ANTXRL: variants seen among roughly 807,000 people sequenced by gnomAD.
ANTXRL encodes anthrax toxin receptor-like.
Under a neutral mutation model 75.4 loss-of-function variants are expected in ANTXRL, and 63 were observed. The observed-to-expected ratio is 0.84, with a 90% CI of 0.68 to 1.03. The LOEUF is 1.03. Among genes scored for constraint, ANTXRL ranks in the 50% least tolerant of loss-of-function variants. ANTXRL has a pLI of 0.00. For synonymous variants in ANTXRL, 335 were observed against 291.3 expected (o/e 1.15, Z -1.53); for missense variants, 797 against 789.4 (o/e 1.01, Z -0.12).
chr10:46,317,317 G>T (rs1323521909), intron 16 of ANTXRL, among the ~76,000 whole-genome samples: 2 of 152,142 alleles, frequency 1.3e-5, no homozygotes, highest in Admixed American at 6.5e-5. Flanking sequence ...CTTCTAATGA[G>T]AATTTACTGA....
At chr10:46,311,400 T>C (rs1181149059) in intron 14 of ANTXRL, 110 bp from the exon 15 acceptor site, 1 of 1,392,844 alleles carries the variant, frequency 7.2e-7, no homozygotes, top group East Asian at 2.7e-5. Flanking sequence ...GACCCTCCAC[T>C]GTGGTGTGGG....
intron 9 of ANTXRL, among the ~76,000 whole-genome samples, chr10:46,301,634 C>T (rs1837751756): frequency 6.6e-6 from 1 of 152,180 alleles, no homozygotes; most frequent in African/African-American, 2.4e-5. Context: ...GCCTGCATTT[C>T]CCATTTTCCA....
chr10:46,329,728 C>G lies in ANTXRL; in HGVS notation c.1540C>G (p.Leu514Val), dbSNP rs1325003797. 1.3e-6 allele frequency: 2 copies of G among 1,535,150 alleles called. No individual in the cohort carries two copies. The highest frequency in any genetic ancestry group is 1.7e-6 in the Non-Finnish European group (2 of 1,146,744). Residue 514 changes from leucine to valine, a missense_variant, in exon 17 of 17, where the codon CTG becomes GTG. By Grantham distance (32) the Leu-to-Val change is conservative. Transcript: ENST00000620264. ...PQAPCSPRMCLRHSRECLALK... is the reference protein window; with the variant it reads ...PQAPCSPRMCVRHSRECLALK... ...GGCTCCCTGCAGCCCAAGGATGTGCCTGAGACACAGCCGGGAGTGCCTCGC... is the reference window on the plus strand; with the variant it reads ...GGCTCCCTGCAGCCCAAGGATGTGCGTGAGACACAGCCGGGAGTGCCTCGC...
rs1554955442 is a variant in ANTXRL at position 46,287,272 on chromosome 10, C to G, written c.10C>G (p.His4Asp). The G allele has an allele frequency of 5.9e-6, 9 of 1,535,784 alleles. 1 individual carries two copies. The South Asian group carries it at 1.1e-4, about 18-fold the overall frequency. ...CAGGGACAGCCAGATAATGGGGAGC[C>G]ATGAGTCCCTGGGGCCCTACTTCCT... MGSHESLGPYFLVF... is the reference protein window; with the variant it reads MGSDESLGPYFLVF... The change falls in exon 1 of 17, where the codon CAT becomes GAT. Residue 4 changes from histidine (H) to aspartate (D), a missense_variant. By Grantham distance (81) the His-to-Asp change is moderately conservative. Around this residue, in one of 3 missense-constraint regions of ANTXRL, gnomAD observed 262 missense variants for 271.9 expected, o/e 0.96. Transcript: ENST00000620264.
chr10:46,302,903 C>T, intron 10 of ANTXRL, 83 bp downstream of exon 10: 2 of 1,104,262 alleles, frequency 1.8e-6, no homozygotes, highest in East Asian at 2.6e-5. Flanking sequence ...GCCTCCCAGC[C>T]CTTGCCAACC....
chr10:46,319,800 C>T (rs928889223), intron 16 of ANTXRL, among the ~76,000 whole-genome samples: 25 of 152,252 alleles, frequency 1.6e-4, no homozygotes, highest in African/African-American at 6.0e-4. Context: ...TTATGTGTTC[C>T]TTTCTCTTGA....
In ANTXRL at chr10:46,306,661, G is replaced by A. The variant is rs1838104966; in HGVS notation, c.896-142G>A. On this transcript the variant is annotated intron_variant, in intron 10 of 16. Transcript: ENST00000620264. ...CAGGGCCTGGGTGTGGCGGGTGCTTGCAGGGGTCTGTGCAATAGGAAGGCA... is the reference window on the plus strand; with the variant it reads ...CAGGGCCTGGGTGTGGCGGGTGCTTACAGGGGTCTGTGCAATAGGAAGGCA... 4.9e-6 allele frequency: 3 copies of A among 613,654 alleles called. No individual in the cohort carries two copies. In the South Asian group the frequency reaches 7.6e-5, roughly 15 times the overall value. 38.0% of individuals were successfully genotyped at this position (613,654 alleles called of 1,614,324 possible).
rs140306343 is a variant in ANTXRL, at chr10:46,310,074, C to T, written c.1135-387C>T. ...GGAAGCCCGGGACTCAGCCATGAGG[C>T]TGGGAGGTCAGGGAGGGCTCCTGTA... On this transcript the variant is annotated intron_variant, in intron 13 of 16. Coordinates refer to ENST00000620264, the MANE Select transcript of ANTXRL (RefSeq NM_001278688.3). Among the ~76,000 whole-genome samples the T allele has an allele frequency of 7.3e-4, 111 of 152,264 alleles. 1 individual carries two copies. The highest frequency in any genetic ancestry group is 2.4e-3 in the African/African-American group (101 of 41,548).
chr10:46,301,515 C>T (rs1360938992), intron 9 of ANTXRL, among the ~76,000 whole-genome samples: 2 of 152,158 alleles, frequency 1.3e-5, no homozygotes, highest in African/African-American at 4.8e-5. Context: ...TGTCAGCAGT[C>T]AGCGTTGAGG....
chr10:46,300,980 C>CA (rs1837695266), intron 9 of ANTXRL, among the ~76,000 whole-genome samples: 1 of 150,966 alleles, frequency 6.6e-6, no homozygotes, highest in Admixed American at 6.6e-5. Flanking sequence ...GTTCCTTTAT[C>CA]TCTCCCACCC....
intron 16 of ANTXRL, among the ~76,000 whole-genome samples, chr10:46,327,167 C>T (rs189173061): frequency 1.3e-5 from 2 of 152,078 alleles, no homozygotes; most frequent in Non-Finnish European, 2.9e-5. Flanking sequence ...GGGAGGGTGC[C>T]AGGGCATGGC....
chr10:46,312,832 A>G (rs1838505749), intron 15 of ANTXRL, among the ~76,000 whole-genome samples: 1 of 150,326 alleles, frequency 6.7e-6, no homozygotes, highest in Admixed American at 6.6e-5. Context: ...TGAGCAGGGC[A>G]TGGTCCTCTC....
chr10:46,294,064 C>A (rs1289348184), intron 3 of ANTXRL, 164 bp downstream of exon 3: 61 of 614,996 alleles, frequency 9.9e-5, no homozygotes, highest in Middle Eastern at 8.6e-4. Flanking sequence ...CCCCGGCTCC[C>A]CTGCATCCTC....
At position 46,296,228 on chromosome 10, in the gene ANTXRL, C is replaced by T. The variant is rs782650366; in HGVS notation, c.484C>T (p.Gln162Ter). 4 of 1,535,860 alleles carry T rather than the reference C, an allele frequency of 2.6e-6. No individual in the cohort carries two copies. In the South Asian group the frequency reaches 4.8e-5, roughly 18 times the overall value. The change falls in exon 5 of 17, where the codon CAG (glutamine) becomes TAG (stop). Residue 162 changes from glutamine (Q) to a stop codon, truncating the protein, a stop_gained. Coordinates refer to ENST00000620264, the MANE Select transcript of ANTXRL (RefSeq NM_001278688.3). LOFTEE classifies it high-confidence loss of function. Reference sequence around the variant, plus strand: ...CTTCATTTTCTTGCAGGCAATTCAACAGATCGAAAGTTTCAACTCCGGAAG... The same window carrying T: ...CTTCATTTTCTTGCAGGCAATTCAATAGATCGAAAGTTTCAACTCCGGAAG... ...MQAGFRKAIQ[Q>*]IESFNSGNKV...
chr10:46,329,777 C>G lies in ANTXRL; in HGVS notation c.1589C>G (p.Pro530Arg). The change falls in exon 17 of 17, where the codon CCA (proline) becomes CGA (arginine). Residue 530 changes from proline (P) to arginine (R), a missense_variant. Physicochemically the swap from Pro to Arg is moderately radical, Grantham distance 103. Around this residue, in one of 3 missense-constraint regions of ANTXRL, gnomAD observed 479 missense variants for 422.0 expected, o/e 1.14. Coordinates refer to ENST00000620264, the MANE Select transcript of ANTXRL (RefSeq NM_001278688.3). ...GCCCTCAAACAGGCTCGCTGCAGCC[C>G]AAACATCTGCCTGAGACACAGCCAA... ...CLALKQARCS[P>R]NICLRHSQHS... The G allele has an allele frequency of 6.5e-7, 1 of 1,534,494 alleles. No individual in the cohort carries two copies. Among genetic ancestry groups the G allele is most frequent in the Non-Finnish European group, 8.7e-7 (1 of 1,146,526 alleles).
chr10:46,303,681 G>A (rs1554961130), intron 10 of ANTXRL, among the ~76,000 whole-genome samples: 2 of 152,100 alleles, frequency 1.3e-5, no homozygotes, highest in Non-Finnish European at 2.9e-5. Flanking sequence ...GTTCATGGAA[G>A]GGCTATAGTA....
At chr10:46,298,994 A>G (rs1424889395) in intron 9 of ANTXRL, among the ~76,000 whole-genome samples, 1 of 151,920 alleles carries the variant, frequency 6.6e-6, no homozygotes, top group Admixed American at 6.6e-5. Flanking sequence ...TAACCTCACA[A>G]CGGTAAGTTT....
chr10:46,302,066 G>T (rs1462072915), intron 9 of ANTXRL, among the ~76,000 whole-genome samples: 1 of 152,188 alleles, frequency 6.6e-6, no homozygotes, highest in Non-Finnish European at 1.5e-5. Context: ...GGTTCAGGAA[G>T]AGCAGAATAT....
intron 9 of ANTXRL, among the ~76,000 whole-genome samples, chr10:46,302,448 G>A (rs1354515439): frequency 2.6e-5 from 4 of 152,172 alleles, no homozygotes; most frequent in Non-Finnish European, 5.9e-5. Context: ...CCCTGTGCAA[G>A]GACCAAGGCC....
Sources: allele counts gnomAD v4.1 joint callset (sites outside exome capture counted in the v4.1 genomes callset), GRCh38; gene constraint gnomAD v4.1.1; regional missense constraint gnomAD v4.1.1; transcripts MANE v1.5; gene names NCBI Gene and HGNC (gene_info 2026-07-23, HGNC 2026-07-21).